Variants in NOPCHAP1 observed in about 807,000 individuals in gnomAD.
NOPCHAP1 encodes NOP protein chaperone 1.
Under a neutral mutation model 14.0 loss-of-function variants are expected in NOPCHAP1, and 13 were observed. The observed-to-expected ratio is 0.93, with a 90% CI of 0.60 to 1.47. The LOEUF is 1.47. Among genes scored for constraint, NOPCHAP1 ranks in the 40% most tolerant of loss-of-function variants. The probability of loss-of-function intolerance (pLI) is 0.00; values close to 1 mark genes in which losing one functional copy is unlikely to be tolerated. For missense variants in NOPCHAP1, 230 were observed against 226.9 expected (o/e 1.01, Z -0.09); for synonymous variants, 78 against 78.4 (o/e 1.00, Z 0.03).
At chr12:104,993,158 T>A (rs1873420511) in intron 3 of NOPCHAP1, among the ~76,000 whole-genome samples, 1 of 152,208 alleles carries the variant, frequency 6.6e-6, no homozygotes, top group Admixed American at 6.5e-5. Context: ...CAACCCTACA[T>A]TATGCTTTAT....
At chr12:104,992,283 A>G (rs1241899203) in intron 3 of NOPCHAP1, among the ~76,000 whole-genome samples, 1 of 152,226 alleles carries the variant, frequency 6.6e-6, no homozygotes, top group Non-Finnish European at 1.5e-5. Context: ...GTCTGGACCA[A>G]GCTGAGACAA....
chr12:104,991,893 G>T, intron 3 of NOPCHAP1, 45 bp downstream of exon 3: 1 of 1,553,006 alleles, frequency 6.4e-7, no homozygotes, highest in Non-Finnish European at 8.6e-7. Context: ...TGGTCTGCCT[G>T]TCACCTAAGA....
In NOPCHAP1 at chr12:105,005,572, G is replaced by A. The variant is rs1031193990; in HGVS notation, c.*10876G>A. ...GACTAGGCTTGTGACCAGTCTGATT[G>A]GTTGCAGGAGGGGACCAGAAGTACT... On this transcript the variant is annotated 3_prime_UTR_variant, in exon 4 of 4. Transcript: ENST00000552951. 2 of 152,240 alleles carry A rather than the reference G, an allele frequency of 1.3e-5. No homozygotes were observed. The highest frequency in any genetic ancestry group is 2.9e-5 in the Non-Finnish European group (2 of 68,066). The allele number at this position is 152,240 out of a possible 1,614,324, so 9.4% of individuals were successfully genotyped here.
rs1873633124 is a variant in NOPCHAP1, at chr12:105,002,748, T to G, written c.*8052T>G. On this transcript the variant is annotated 3_prime_UTR_variant, in exon 4 of 4. Coordinates refer to ENST00000552951, the MANE Select transcript of NOPCHAP1 (RefSeq NM_152318.3). ...ATAAATTGGTCAGAGAGTCCTGGCT[T>G]GTAAGCTCCTGTGCAAATTCTAAAA... 6.6e-6 allele frequency: 1 copy of G among 152,196 alleles called. No homozygotes were observed. Among genetic ancestry groups the G allele is most frequent in the Non-Finnish European group, 1.5e-5 (1 of 68,032 alleles). 9.4% of individuals were successfully genotyped at this position (152,196 alleles called of 1,614,324 possible).
At chr12:104,988,026 TG>T (rs1412142644) in intron 1 of NOPCHAP1, 140 bp from the exon 2 acceptor site, 3 of 547,238 alleles carry the variant, frequency 5.5e-6, no homozygotes, top group Non-Finnish European at 1.0e-5. Context: ...TAATGGAGCT[TG>T]GAGTTCTCCT....
At chr12:104,992,612 G>A (rs1256404623) in intron 3 of NOPCHAP1, among the ~76,000 whole-genome samples, 1 of 152,192 alleles carries the variant, frequency 6.6e-6, no homozygotes, top group African/African-American at 2.4e-5. Flanking sequence ...CCCCCAGGCT[G>A]TGGACTGGTA....
intron 1 of NOPCHAP1, among the ~76,000 whole-genome samples, chr12:104,987,955 T>A (rs769181713): frequency 1.3e-5 from 2 of 152,004 alleles, no homozygotes; most frequent in African/African-American, 2.4e-5. Flanking sequence ...GTGATAGAGG[T>A]GAATGAGACA....
In NOPCHAP1 at chr12:105,004,034, A is replaced by G. The variant is rs1365202931; in HGVS notation, c.*9338A>G. On this transcript the variant is annotated 3_prime_UTR_variant, in exon 4 of 4. Transcript: ENST00000552951. ...CAAGTACCAAGGGAGTCTCAGGCTA[A>G]TGGCCTCCTGCTTATTTAATTTCAC... The G allele has an allele frequency of 6.6e-6, 1 of 152,228 alleles. No homozygotes were observed. Among genetic ancestry groups the G allele is most frequent in the Non-Finnish European group, 1.5e-5 (1 of 68,044 alleles). The allele number at this position is 152,228 out of a possible 1,614,324, so 9.4% of individuals were successfully genotyped here. A position where few individuals can be genotyped will look rare whatever the true frequency, so the allele number is the denominator to read the frequency against.
rs137906849 is a variant in NOPCHAP1 at position 105,000,749 on chromosome 12, G to A, written c.*6053G>A. 263 of 152,134 alleles carry A rather than the reference G, an allele frequency of 1.7e-3. 1 individual carries two copies. The highest frequency in any genetic ancestry group is 6.0e-3 in the African/African-American group (248 of 41,504). The allele number at this position is 152,134 out of a possible 1,614,324, so 9.4% of individuals were successfully genotyped here. ...AGACCCAATCTCCATGTTCCAGATT[G>A]TGAAATGCTTGGTTGTCCTCCATTG... On this transcript the variant is annotated 3_prime_UTR_variant, in exon 4 of 4. Transcript: ENST00000552951.
At position 104,998,783 on chromosome 12, in the gene NOPCHAP1, C is replaced by T. The variant is rs116752588; in HGVS notation, c.*4087C>T. 2.3e-3 allele frequency: 347 copies of T among 152,694 alleles called. No homozygotes were observed. Among genetic ancestry groups the T allele is most frequent in the African/African-American group, 7.0e-3 (289 of 41,338 alleles). The allele number at this position is 152,694 out of a possible 1,614,324, so 9.5% of individuals were successfully genotyped here. On this transcript the variant is annotated 3_prime_UTR_variant, in exon 4 of 4. Coordinates refer to ENST00000552951, the MANE Select transcript of NOPCHAP1 (RefSeq NM_152318.3). ...CTGTGGTGTTAGCATGGGGGTGGGGCGCTGTGGCTGCTGCTAGATTTTGTG... is the reference window on the plus strand; with the variant it reads ...CTGTGGTGTTAGCATGGGGGTGGGGTGCTGTGGCTGCTGCTAGATTTTGTG...
intron 3 of NOPCHAP1, among the ~76,000 whole-genome samples, chr12:104,992,739 A>T (rs1873407091): frequency 6.6e-6 from 1 of 152,160 alleles, no homozygotes. Flanking sequence ...AGATTCCAAA[A>T]GGAGCGTGAA....
intron 3 of NOPCHAP1, among the ~76,000 whole-genome samples, chr12:104,994,170 C>T (rs141043080): frequency 2.0e-5 from 3 of 152,224 alleles, no homozygotes; most frequent in African/African-American, 7.2e-5. Flanking sequence ...CAGGGTGAAA[C>T]CCCATCTCTA....
rs1462714107 is a variant in NOPCHAP1, at chr12:104,989,838, G to A, written c.202+1585G>A. Reference sequence around the variant, plus strand: ...TGTTTCAATTTGGATAGCTTCTATCGCTGATTTCGTTGAGTTCACTATTCT... The same window carrying A: ...TGTTTCAATTTGGATAGCTTCTATCACTGATTTCGTTGAGTTCACTATTCT... On this transcript the variant is annotated intron_variant, in intron 2 of 3. Transcript: ENST00000552951. Among the ~76,000 whole-genome samples the A allele has an allele frequency of 4.6e-5, 7 of 152,178 alleles. No individual in the cohort carries two copies. The East Asian group carries it at 7.7e-4, about 17-fold the overall frequency.
At position 105,006,891 on chromosome 12, in the gene NOPCHAP1, C is replaced by A. The variant is rs1312688753; in HGVS notation, c.*12195C>A. ...TTTCGTTTGTGGCATTTTTTTTTTCCAGATGAGGGTACTTCTGTTTGTATT... is the reference window on the plus strand; with the variant it reads ...TTTCGTTTGTGGCATTTTTTTTTTCAAGATGAGGGTACTTCTGTTTGTATT... On this transcript the variant is annotated 3_prime_UTR_variant, in exon 4 of 4. Coordinates refer to ENST00000552951, the MANE Select transcript of NOPCHAP1 (RefSeq NM_152318.3). 6.6e-6 allele frequency: 1 copy of A among 150,886 alleles called. No individual in the cohort carries two copies. Among genetic ancestry groups the A allele is most frequent in the Non-Finnish European group, 1.5e-5 (1 of 67,798 alleles). 9.3% of individuals were successfully genotyped at this position (150,886 alleles called of 1,614,324 possible).
chr12:104,986,532 T>C (rs1873240012), intron 1 of NOPCHAP1, 65 bp downstream of exon 1: 3 of 1,370,504 alleles, frequency 2.2e-6, no homozygotes, highest in Admixed American at 2.5e-5. Flanking sequence ...GCCGGTGCAG[T>C]TTGGGAGCCG....
In NOPCHAP1 at chr12:105,005,077, A is replaced by C. The variant is rs1250222301; in HGVS notation, c.*10381A>C. The C allele has an allele frequency of 6.6e-6, 1 of 152,206 alleles. No homozygotes were observed. The highest frequency in any genetic ancestry group is 1.5e-5 in the Non-Finnish European group (1 of 68,038). The allele number at this position is 152,206 out of a possible 1,614,324, so 9.4% of individuals were successfully genotyped here. On this transcript the variant is annotated 3_prime_UTR_variant, in exon 4 of 4. Coordinates refer to ENST00000552951, the MANE Select transcript of NOPCHAP1 (RefSeq NM_152318.3). ...GAGGAGGAAGCAGAGGGGTTGGCAC[A>C]GGTGGAAGAGGTATAGAAGAAGAAG... is the stretch of plus-strand genomic sequence containing the variant.
rs994272296 is a variant in NOPCHAP1, at chr12:104,995,450, A to G, written c.*754A>G. ...CATTCAGTTTTGTTTAGCACCATACATAACCCCCAACATGAGCAAAGAGGA... is the reference window on the plus strand; with the variant it reads ...CATTCAGTTTTGTTTAGCACCATACGTAACCCCCAACATGAGCAAAGAGGA... On this transcript the variant is annotated 3_prime_UTR_variant, in exon 4 of 4. Transcript: ENST00000552951. 2.0e-5 allele frequency: 3 copies of G among 152,104 alleles called. No homozygotes were observed. Among genetic ancestry groups the G allele is most frequent in the African/African-American group, 4.8e-5 (2 of 41,400 alleles). 9.4% of individuals were successfully genotyped at this position (152,104 alleles called of 1,614,324 possible).
rs1018304294 is a variant in NOPCHAP1 at position 105,004,256 on chromosome 12, G to C, written c.*9560G>C. 3 of 152,134 alleles carry C rather than the reference G, an allele frequency of 2.0e-5. No homozygotes were observed. Among genetic ancestry groups the C allele is most frequent in the Admixed American group, 2.0e-4 (3 of 15,282 alleles). The allele number at this position is 152,134 out of a possible 1,614,324, so 9.4% of individuals were successfully genotyped here. Reference sequence around the variant, plus strand: ...TCTTTTTTCTTCAGCATGGATTTCAGAAACATCAATTTTATTTTAAAGTAA... The same window carrying C: ...TCTTTTTTCTTCAGCATGGATTTCACAAACATCAATTTTATTTTAAAGTAA... On this transcript the variant is annotated 3_prime_UTR_variant, in exon 4 of 4. Transcript: ENST00000552951.
chr12:104,991,824 G>A lies in NOPCHAP1; in HGVS notation c.315G>A (p.Gly105=). Residue 105 remains glycine (G), a synonymous_variant, in exon 3 of 4, where the codon GGG becomes GGA. Transcript: ENST00000552951. ...GTTTCAATATTGAAAACATTGATGG[G>A]CCTCATAGTAAAGTTATACAAATGG... ...PGRFNIENID[G]PHSKVIQMDV... 6.2e-7 allele frequency: 1 copy of A among 1,610,954 alleles called. No homozygotes were observed. The highest frequency in any genetic ancestry group is 2.2e-5 in the East Asian group (1 of 44,830).
Sources: allele counts gnomAD v4.1 joint callset (sites outside exome capture counted in the v4.1 genomes callset), GRCh38; gene constraint gnomAD v4.1.1; transcripts MANE v1.5; gene names NCBI Gene and HGNC (gene_info 2026-07-23, HGNC 2026-07-21).